The following GIT2 variants were observed in gnomAD, a reference collection of about 807,000 sequenced individuals.
GIT2 encodes the protein GIT ArfGAP 2.
GIT2 carries 32 observed loss-of-function variants against 100.3 expected under a neutral mutation model. That is an observed-to-expected ratio of 0.32 (90% CI 0.24 to 0.43). The LOEUF is 0.43. Among genes scored for constraint, GIT2 ranks in the 20% least tolerant of loss-of-function variants. GIT2 has a pLI of 1.00. For synonymous variants in GIT2, 353 were observed against 364.1 expected (o/e 0.97, Z 0.35); for missense variants, 737 against 975.1 (o/e 0.76, Z 3.25).
chr12:109,978,333 T>C (rs1304935778), intron 7 of GIT2, among the ~76,000 whole-genome samples: 5 of 152,142 alleles, frequency 3.3e-5, no homozygotes, highest in African/African-American at 9.7e-5. Flanking sequence ...TCTGCCCGCC[T>C]CAGCCTCCCA....
chr12:109,934,025 G>A lies in GIT2; in HGVS notation c.2064C>T (p.Pro688=). 6.5e-7 allele frequency: 1 copy of A among 1,528,978 alleles called. No individual in the cohort carries two copies. The highest frequency in any genetic ancestry group is 1.1e-5 in the South Asian group (1 of 89,276). 94.7% of individuals were successfully genotyped at this position (1,528,978 alleles called of 1,614,324 possible). Residue 688 remains proline (P), a synonymous_variant, in exon 19 of 20, where the codon CCC becomes CCT. Coordinates refer to ENST00000355312, the MANE Select transcript of GIT2 (RefSeq NM_057169.5). The surrounding 1 kb of genome is among the most constrained non-coding windows in gnomAD (Gnocchi z 4.5). The part of the protein sequence containing the change: ...VAVTEMAALF[P]KKPKSDMVRT... Reference sequence around the variant, plus strand: ...AAGTGAGTAGGAAGTGACTTACTTTGGGGAATAATGCTGCCATTTCTGTAA... The same window carrying A: ...AAGTGAGTAGGAAGTGACTTACTTTAGGGAATAATGCTGCCATTTCTGTAA...
intron 6 of GIT2, chr12:109,982,399 G>A (rs1886474158): frequency 6.6e-6 from 1 of 152,118 alleles, no homozygotes. Flanking sequence ...ACTCTTTCAG[G>A]CATTTATGAA....
At position 109,992,646 on chromosome 12, in the gene GIT2, C is replaced by T. The variant is rs1331393534; in HGVS notation, c.53-886G>A. ...CTGGCCTCTTCCATTAGGAAATGTT[C>T]TATGATGTCCATGAATTGGTTTGTT... On this transcript the variant is annotated intron_variant, in intron 1 of 19. Transcript: ENST00000355312. Among the ~76,000 whole-genome samples the T allele has an allele frequency of 2.6e-5, 4 of 152,034 alleles. No homozygotes were observed. In the South Asian group the frequency reaches 8.3e-4, roughly 32 times the overall value.
chr12:109,999,617 G>A, upstream of GIT2: 1 of 1,301,482 alleles, frequency 7.7e-7, no homozygotes, highest in Non-Finnish European at 1.0e-6. The surrounding 1 kb of genome is among the most constrained non-coding windows in gnomAD (Gnocchi z 4.3). Flanking sequence ...GGGCAGGCAG[G>A]CGGGCGCGGG....
intron 7 of GIT2, among the ~76,000 whole-genome samples, chr12:109,977,691 A>G (rs913414680): frequency 2.0e-5 from 3 of 151,954 alleles, no homozygotes; most frequent in African/African-American, 4.8e-5. Context: ...GCATGGTGGC[A>G]GGCACGTGTA....
At chr12:109,964,638 C>T (rs1459086042) in intron 9 of GIT2, among the ~76,000 whole-genome samples, 1 of 118,186 alleles carries the variant, frequency 8.5e-6, no homozygotes, top group African/African-American at 3.6e-5. Context: ...CACACACACA[C>T]ACACACACAC....
In GIT2 at chr12:109,948,705, A is replaced by C; in HGVS notation, c.1393-1201T>G. 6.8e-7 allele frequency: 1 copy of C among 1,472,622 alleles called. No homozygotes were observed. Among genetic ancestry groups the C allele is most frequent in the Non-Finnish European group, 8.9e-7 (1 of 1,117,750 alleles). The allele number at this position is 1,472,622 out of a possible 1,614,324, so 91.2% of individuals were successfully genotyped here. On this transcript the variant is annotated intron_variant, in intron 14 of 19. Coordinates refer to ENST00000355312, the MANE Select transcript of GIT2 (RefSeq NM_057169.5). This position sits in a 1 kb window ranked among gnomAD's most constrained non-coding sequence, Gnocchi z 4.3. ...TTTAAGTCCACAAGCAACTGTTTGCACCAGAAGATCATTACTTTTTCAGTA... is the reference window on the plus strand; with the variant it reads ...TTTAAGTCCACAAGCAACTGTTTGCCCCAGAAGATCATTACTTTTTCAGTA...
At chr12:109,952,590 T>C (rs1315076495) in intron 13 of GIT2, 2 of 519,322 alleles carry the variant, frequency 3.9e-6, no homozygotes, top group South Asian at 1.4e-5. Context: ...ATGCCCTGGT[T>C]TCACTTTCTT....
In GIT2 at chr12:109,930,092, G is replaced by A. The variant is rs1871388340; in HGVS notation, c.*2886C>T. 6.6e-6 allele frequency: 1 copy of A among 152,640 alleles called. No individual in the cohort carries two copies. Among genetic ancestry groups the A allele is most frequent in the Non-Finnish European group, 1.5e-5 (1 of 68,040 alleles). 9.5% of individuals were successfully genotyped at this position (152,640 alleles called of 1,614,324 possible). On this transcript the variant is annotated 3_prime_UTR_variant, in exon 20 of 20. Coordinates refer to ENST00000355312, the MANE Select transcript of GIT2 (RefSeq NM_057169.5). ...ACAAAAACAGGCGAGTTTTGCTCTT[G>A]GTTCTGCAACTGAATCACTTGAGAA...
chr12:109,994,044 G>A (rs994055225), intron 1 of GIT2, among the ~76,000 whole-genome samples: 32 of 139,260 alleles, frequency 2.3e-4, no homozygotes, highest in Non-Finnish European at 3.6e-4. Context: ...TAACAACACT[G>A]CTTCCTGCAG....
intron 17 of GIT2, 162 bp downstream of exon 17, chr12:109,939,003 A>G (rs773950455): frequency 1.6e-6 from 1 of 619,432 alleles, no homozygotes; most frequent in Admixed American, 2.6e-5. Context: ...TGAGATGACA[A>G]GACATGTAAA....
In GIT2 at chr12:109,930,597, G is replaced by A. The variant is rs1871478873; in HGVS notation, c.*2381C>T. Reference sequence around the variant, plus strand: ...TCCAATGGCCACGTCATTCCACCGGGGAACTTGTTTGGAGTTTTGGCACCG... The same window carrying A: ...TCCAATGGCCACGTCATTCCACCGGAGAACTTGTTTGGAGTTTTGGCACCG... On this transcript the variant is annotated 3_prime_UTR_variant, in exon 20 of 20. Coordinates refer to ENST00000355312, the MANE Select transcript of GIT2 (RefSeq NM_057169.5). The A allele has an allele frequency of 6.6e-6, 1 of 152,166 alleles. No homozygotes were observed. Among genetic ancestry groups the A allele is most frequent in the South Asian group, 2.1e-4 (1 of 4,824 alleles). The allele number at this position is 152,166 out of a possible 1,614,324, so 9.4% of individuals were successfully genotyped here.
intron 18 of GIT2, among the ~76,000 whole-genome samples, chr12:109,935,651 C>G (rs1872767543): frequency 6.6e-6 from 1 of 152,266 alleles, no homozygotes; most frequent in African/African-American, 2.4e-5. Context: ...CCGCCTTGGC[C>G]TCCCAAAGTG....
chr12:109,985,418 A>AAG (rs1196202728), intron 4 of GIT2, among the ~76,000 whole-genome samples: 4 of 151,968 alleles, frequency 2.6e-5, no homozygotes, highest in African/African-American at 9.7e-5. Context: ...GGGATTAAAA[A>AAG]AGGGGGGGGA....
At chr12:109,944,729 A>G (rs1592972980) in intron 16 of GIT2, among the ~76,000 whole-genome samples, 1 of 152,120 alleles carries the variant, frequency 6.6e-6, no homozygotes. Context: ...CATAGCTCCA[A>G]TGCCACAAGG....
At chr12:109,992,567 G>C (rs1286568885) in intron 1 of GIT2, among the ~76,000 whole-genome samples, 2 of 152,194 alleles carry the variant, frequency 1.3e-5, no homozygotes, top group Non-Finnish European at 2.9e-5. Context: ...AGAAAGCTGC[G>C]AGTTACAGAA....
At chr12:109,991,335 T>C (rs1593164477) in intron 2 of GIT2, among the ~76,000 whole-genome samples, 1 of 150,654 alleles carries the variant, frequency 6.6e-6, no homozygotes, top group African/African-American at 2.4e-5. Flanking sequence ...ACATTTCCGA[T>C]GACAGTCTAG....
chr12:109,995,413 C>G (rs1889156085), intron 1 of GIT2, among the ~76,000 whole-genome samples: 1 of 151,890 alleles, frequency 6.6e-6, no homozygotes, highest in South Asian at 2.1e-4. Context: ...CAGCATAATG[C>G]AAAAAAGAAA....
At chr12:109,973,069 C>G (rs1413633291) in intron 7 of GIT2, among the ~76,000 whole-genome samples, 3 of 152,118 alleles carry the variant, frequency 2.0e-5, no homozygotes, top group Non-Finnish European at 4.4e-5. Flanking sequence ...CTCAAACAAT[C>G]CTCCTACTTC....
Sources: allele counts gnomAD v4.1 joint callset (sites outside exome capture counted in the v4.1 genomes callset), GRCh38; gene constraint gnomAD v4.1.1; non-coding constraint Gnocchi (gnomAD v3.1); transcripts MANE v1.5; gene names NCBI Gene and HGNC (gene_info 2026-07-23, HGNC 2026-07-21).